Variants in LTBP3 observed in about 807,000 individuals in gnomAD.
LTBP3 encodes latent transforming growth factor beta binding protein 3, also known as latent-transforming growth factor beta-binding protein 3.
In LTBP3, 97 loss-of-function variants were observed where a neutral mutation model predicts 159.7. The ratio of observed to expected loss-of-function variants is 0.61; its 90% confidence interval spans 0.52 to 0.72. The LOEUF is 0.72. LTBP3 is among the 30% of genes least tolerant of loss of function. The probability of loss-of-function intolerance (pLI) is 0.00; values close to 1 mark genes in which losing one functional copy is unlikely to be tolerated. For missense variants in LTBP3, 1,584 were observed against 1,864.3 expected (o/e 0.85, Z 2.77); for synonymous variants, 824 against 777.1 (o/e 1.06, Z -1.00).
chr11:65,540,194 G>GGCCCGGGCCCC (rs1856032652), intron 23 of LTBP3, 41 bp from the exon 24 acceptor site: 9 of 1,542,112 alleles, frequency 5.8e-6, no homozygotes, highest in Non-Finnish European at 7.9e-6. Context: ...GTCACAGCTC[G>GGCCCGGGCCCC]GCCCGGGCCC....
Position 65,546,617 on chromosome 11 carries a change from G to C in LTBP3, c.2231-53C>G. The C allele has an allele frequency of 1.3e-6, 2 of 1,596,074 alleles. No homozygotes were observed. Among genetic ancestry groups the C allele is most frequent in the Non-Finnish European group, 1.7e-6 (2 of 1,178,732 alleles). ...TCTGCCCCACCGGAAGGCGGACCGC[G>C]CACCTCGCGGGGGTGTGGGTCTCTT... On this transcript the variant is annotated intron_variant, in intron 15 of 27. Transcript: ENST00000301873. This position sits in a 1 kb window ranked among gnomAD's most constrained non-coding sequence, Gnocchi z 4.0.
At chr11:65,549,475 G>A (rs1370097441) in intron 11 of LTBP3, among the ~76,000 whole-genome samples, 1 of 149,510 alleles carries the variant, frequency 6.7e-6, no homozygotes, top group African/African-American at 2.5e-5. Context: ...GCAGTGGCAC[G>A]ATCTTGGCTC....
At chr11:65,555,682 G>A (rs1045923193) in intron 1 of LTBP3, among the ~76,000 whole-genome samples, 3 of 152,202 alleles carry the variant, frequency 2.0e-5, no homozygotes, top group African/African-American at 7.2e-5. Context: ...GGGAGAGGAT[G>A]GGACCTCTGT....
Position 65,558,286 on chromosome 11 carries a change from C to T in LTBP3, c.-327G>A. 5 of 898,008 alleles carry T rather than the reference C, an allele frequency of 5.6e-6. No homozygotes were observed. The highest frequency in any genetic ancestry group is 6.8e-6 in the Non-Finnish European group (5 of 734,352). The allele number at this position is 898,008 out of a possible 1,614,324, so 55.6% of individuals were successfully genotyped here. ...GGCCGGGCGGCCGGCCCGCTCCGCG[C>T]CTCCCCCTGGCCGGGCTCCTCTCCC... On this transcript the variant is annotated 5_prime_UTR_variant, in exon 1 of 28. Coordinates refer to ENST00000301873, the MANE Select transcript of LTBP3 (RefSeq NM_001130144.3).
Position 65,546,746 on chromosome 11 carries a change from T to TG in LTBP3, c.2230+51dup. Reference sequence around the variant, plus strand: ...CGCCCCGCCCCCAGCGGAGCCAGACTGGGGGAGGCACCTGACGGCCCCACC... The same window carrying TG: ...CGCCCCGCCCCCAGCGGAGCCAGACTGGGGGGAGGCACCTGACGGCCCCACC... On this transcript the variant is annotated intron_variant, in intron 15 of 27. Coordinates refer to ENST00000301873, the MANE Select transcript of LTBP3 (RefSeq NM_001130144.3). This position sits in a 1 kb window ranked among gnomAD's most constrained non-coding sequence, Gnocchi z 4.0. 1 of 940,360 alleles carries TG rather than the reference T, an allele frequency of 1.1e-6. No homozygotes were observed. Among genetic ancestry groups the TG allele is most frequent in the South Asian group, 1.3e-5 (1 of 76,032 alleles). The allele number at this position is 940,360 out of a possible 1,614,324, so 58.3% of individuals were successfully genotyped here. A position where few individuals can be genotyped will look rare whatever the true frequency, so the allele number is the denominator to read the frequency against.
At position 65,557,686 on chromosome 11, in the gene LTBP3, G is replaced by C; in HGVS notation, c.274C>G (p.Leu92Val). ...GTGCTGTGGCCGTTCTCTCCGATGA[G>C]CGTCATGTTGGAGCCCTGCTGACAA... is the stretch of plus-strand genomic sequence containing the variant. ...DSCQQGSNMT[L>V]IGENGHSTDT... The change falls in exon 1 of 28, where the codon CTC becomes GTC. Residue 92 changes from leucine (L) to valine (V), a missense_variant. This residue lies in a region of LTBP3 where 76 missense variants were observed against 133.3 expected (regional missense o/e 0.57). Transcript: ENST00000301873. 6.2e-7 allele frequency: 1 copy of C among 1,610,884 alleles called. No individual in the cohort carries two copies. Among genetic ancestry groups the C allele is most frequent in the Non-Finnish European group, 8.5e-7 (1 of 1,179,906 alleles).
At chr11:65,551,589 T>C in intron 8 of LTBP3, 25 bp from the exon 9 acceptor site, 1 of 1,613,650 alleles carries the variant, frequency 6.2e-7, no homozygotes, top group Non-Finnish European at 8.5e-7. Flanking sequence ...GATGGGGCCA[T>C]GAAGTGTTGG....
rs952275303 is a variant in LTBP3, at chr11:65,552,780, A to G, written c.1186+80T>C. 4 of 1,602,294 alleles carry G rather than the reference A, an allele frequency of 2.5e-6. No homozygotes were observed. Among genetic ancestry groups the G allele is most frequent in the African/African-American group, 2.7e-5 (2 of 74,248 alleles). ...CCTCCTGCAGTCAACCCTTAACCCC[A>G]CTCTGATCTCTTGCGATCTCTGATC... On this transcript the variant is annotated intron_variant, in intron 6 of 27. Coordinates refer to ENST00000301873, the MANE Select transcript of LTBP3 (RefSeq NM_001130144.3). The surrounding 1 kb of genome is among the most constrained non-coding windows in gnomAD (Gnocchi z 6.0).
intron 11 of LTBP3, among the ~76,000 whole-genome samples, chr11:65,549,754 C>CA (rs1420946269): frequency 2.9e-5 from 2 of 68,192 alleles, no homozygotes; most frequent in East Asian, 4.6e-4. Context: ...CTCCCCAGGC[C>CA]GGGAAAAAAA....
At chr11:65,551,005 C>G in intron 11 of LTBP3, 121 bp downstream of exon 11, 1 of 851,042 alleles carries the variant, frequency 1.2e-6, no homozygotes, top group Non-Finnish European at 1.9e-6. Flanking sequence ...TTCCCCAGTG[C>G]CCAGCCCTGG....
At position 65,541,498 on chromosome 11, in the gene LTBP3, G is replaced by A. The variant is rs146957239; in HGVS notation, c.2725+102C>T. 1,228 of 1,582,304 alleles carry A rather than the reference G, an allele frequency of 7.8e-4. 12 individuals are homozygous for A. The Admixed American group carries it at 0.012, about 16-fold the overall frequency. On this transcript the variant is annotated intron_variant, in intron 19 of 27. Transcript: ENST00000301873. Reference sequence around the variant, plus strand: ...CCCCAGCCAAAAGAGATTTCTTCCGGTTCCCCAAATTTAGGAGGGTGGGGC... The same window carrying A: ...CCCCAGCCAAAAGAGATTTCTTCCGATTCCCCAAATTTAGGAGGGTGGGGC...
chr11:65,539,843 GC>G lies in LTBP3; in HGVS notation c.3423del (p.Gln1141HisfsTer84), dbSNP rs1855992792. ...APERRDVCWS[Q>X]RGEDGMCAGP... is the part of the protein sequence containing the mutation. ...CCAGCGCACATGCCGTCCTCTCCGC[GC>G]TGGCTCCAGCACACGTCGCGCCGCT... is the stretch of plus-strand genomic sequence containing the variant. On this transcript the variant is annotated frameshift_variant, in exon 25 of 28. Coordinates refer to ENST00000301873, the MANE Select transcript of LTBP3 (RefSeq NM_001130144.3). LOFTEE classifies it high-confidence loss of function. 6.6e-7 allele frequency: 1 copy of G among 1,524,542 alleles called. No homozygotes were observed. Among genetic ancestry groups the G allele is most frequent in the East Asian group, 2.5e-5 (1 of 39,612 alleles). The allele number at this position is 1,524,542 out of a possible 1,614,324, so 94.4% of individuals were successfully genotyped here.
rs373999629 is a variant in LTBP3, at chr11:65,546,886, C to T, written c.2142G>A (p.Pro714=). The T allele has an allele frequency of 6.2e-7, 1 of 1,612,584 alleles. No homozygotes were observed. The highest frequency in any genetic ancestry group is 8.5e-7 in the Non-Finnish European group (1 of 1,179,972). The change falls in exon 15 of 28, where the codon CCG becomes CCA. Residue 714 remains proline (P), a synonymous_variant. Coordinates refer to ENST00000301873, the MANE Select transcript of LTBP3 (RefSeq NM_001130144.3). The surrounding 1 kb of genome is among the most constrained non-coding windows in gnomAD (Gnocchi z 4.0). ...CGGGCTTGTTCTCGCATTTGCCATC[C>T]GGGCAAGAGCTTGGGTCCCGGCACT... ...IDECRDPSSC[P]DGKCENKPGS...
chr11:65,543,195 A>C lies in LTBP3; in HGVS notation c.2506T>G (p.Cys836Gly), dbSNP rs1348907429. 6.2e-7 allele frequency: 1 copy of C among 1,614,004 alleles called. No homozygotes were observed. Among genetic ancestry groups the C allele is most frequent in the Non-Finnish European group, 8.5e-7 (1 of 1,180,004 alleles). ...GTATTGATGCAGTCACCCCCAATGCAGGCTGCAGGGAAGTCACACTCATCA... is the reference window on the plus strand; with the variant it reads ...GTATTGATGCAGTCACCCCCAATGCCGGCTGCAGGGAAGTCACACTCATCA... ...DIDECDFPAA[C>G]IGGDCINTNG... Residue 836 changes from cysteine to glycine, a missense_variant, in exon 18 of 28, where the codon TGC becomes GGC. This residue lies in a region of LTBP3 where 565 missense variants were observed against 677.7 expected (regional missense o/e 0.83). Coordinates refer to ENST00000301873, the MANE Select transcript of LTBP3 (RefSeq NM_001130144.3).
chr11:65,538,919 G>C lies in LTBP3; in HGVS notation c.*161C>G. 1 of 1,268,972 alleles carries C rather than the reference G, an allele frequency of 7.9e-7. No homozygotes were observed. Among genetic ancestry groups the C allele is most frequent in the Non-Finnish European group, 1.0e-6 (1 of 992,102 alleles). The allele number at this position is 1,268,972 out of a possible 1,614,324, so 78.6% of individuals were successfully genotyped here. A position where few individuals can be genotyped will look rare whatever the true frequency, so the allele number is the denominator to read the frequency against. Reference sequence around the variant, plus strand: ...CTTACAACCGCCCGCTAACCGGGGAGGGGGGCCGGTAGGGGCGCCTCGGGT... The same window carrying C: ...CTTACAACCGCCCGCTAACCGGGGACGGGGGCCGGTAGGGGCGCCTCGGGT... On this transcript the variant is annotated 3_prime_UTR_variant, in exon 28 of 28. Transcript: ENST00000301873.
intron 11 of LTBP3, among the ~76,000 whole-genome samples, chr11:65,549,567 C>CTTTTTTTTTTTTTTT (rs748132211): frequency 7.3e-4 from 47 of 64,742 alleles, no homozygotes; most frequent in African/African-American, 8.3e-4. Context: ...CCCAGCTAAT[C>CTTTTTTTTTTTTTTT]TTTTTTTTTT....
rs758178497 is a variant in LTBP3, at chr11:65,547,532, C to G, written c.2014G>C (p.Asp672His). 6.2e-7 allele frequency: 1 copy of G among 1,613,884 alleles called. No individual in the cohort carries two copies. Among genetic ancestry groups the G allele is most frequent in the Non-Finnish European group, 8.5e-7 (1 of 1,179,956 alleles). ...NECAKPHLCG[D>H]GGFCINFPGH... Reference sequence around the variant, plus strand: ...GGAAAGTTGATGCAGAAGCCGCCGTCGCCGCACAGGTGGGGCTTGGCGCAT... The same window carrying G: ...GGAAAGTTGATGCAGAAGCCGCCGTGGCCGCACAGGTGGGGCTTGGCGCAT... Residue 672 changes from aspartate to histidine, a missense_variant, in exon 14 of 28, where the codon GAC becomes CAC. Transcript: ENST00000301873. This position sits in a 1 kb window ranked among gnomAD's most constrained non-coding sequence, Gnocchi z 4.6.
At chr11:65,548,270 C>G in intron 11 of LTBP3, 1 of 660,092 alleles carries the variant, frequency 1.5e-6, no homozygotes, top group African/African-American at 1.8e-5. Flanking sequence ...TCACCCCACA[C>G]CCAGGCCCGG....
chr11:65,550,190 A>G lies in LTBP3; in HGVS notation c.1720+936T>C, dbSNP rs371950023. On this transcript the variant is annotated intron_variant, in intron 11 of 27. Transcript: ENST00000301873. ...TTTGGGAGGCCAAGTCGGGCGGATC[A>G]CAAGGTCAGGAGATCAAGACCATCC... Among the ~76,000 whole-genome samples, 93 of 152,272 alleles carry G rather than the reference A, an allele frequency of 6.1e-4. 3 individuals carry two copies. In the South Asian group the frequency reaches 0.018, roughly 29 times the overall value.
Sources: gnomAD v4.1 joint callset for allele counts (sites outside exome capture counted in the v4.1 genomes callset) on GRCh38, gnomAD v4.1.1 for gene constraint, gnomAD v4.1.1 regional missense constraint, Gnocchi (gnomAD v3.1) non-coding constraint, MANE v1.5 for transcripts, NCBI Gene and HGNC (gene_info 2026-07-23, HGNC 2026-07-21) for gene names.